KLK11: variants seen among roughly 807,000 people sequenced by gnomAD.
The protein encoded by KLK11 is kallikrein related peptidase 11.
Under a neutral mutation model 23.4 loss-of-function variants are expected in KLK11, and 10 were observed. The ratio of observed to expected loss-of-function variants is 0.43; its 90% CI spans 0.26 to 0.73. The LOEUF (loss-of-function observed/expected upper bound fraction) is 0.73. KLK11 is among the 30% of genes least tolerant of loss of function. The pLI is 0.22. For missense variants in KLK11, 285 were observed against 327.8 expected, an observed-to-expected ratio of 0.87 and a Z score of 1.01; for synonymous variants, 131 against 131.7, an observed-to-expected ratio of 0.99 and a Z score of 0.03.
upstream of KLK11, chr19:51,027,437 G>A (rs1474520): frequency 0.75 from 1,215,037 of 1,612,194 alleles, 460,169 homozygotes; most frequent in East Asian, 0.96. Flanking sequence ...CAGGCAGCCC[G>A]AGTCCAGCTG....
chr19:51,024,435 C>A lies in KLK11; in HGVS notation c.198-125G>T. The A allele has an allele frequency of 6.9e-7, 1 of 1,454,884 alleles. No homozygotes were observed. The highest frequency in any genetic ancestry group is 9.2e-7 in the Non-Finnish European group (1 of 1,085,998). 90.1% of individuals were successfully genotyped at this position (1,454,884 alleles called of 1,614,324 possible). A position where few individuals can be genotyped will look rare whatever the true frequency, so the allele number is the denominator to read the frequency against. On this transcript the variant is annotated intron_variant, in intron 3 of 5. Coordinates refer to ENST00000453757, the MANE Select transcript of KLK11 (RefSeq NM_001136032.3). The surrounding 1 kb of genome is among the most constrained non-coding windows in gnomAD (Gnocchi z 6.2). The stretch of plus-strand genomic sequence containing the variant: ...TTCCAACCTCTTCCACGTCTCCCAC[C>A]GAAGCCCCCTTCCCAGCCATAGCCC...
At position 51,022,274 on chromosome 19, in the gene KLK11, C is replaced by T. The variant is rs2091413060; in HGVS notation, c.*271G>A. 3 of 499,272 alleles carry T rather than the reference C, an allele frequency of 6.0e-6. No homozygotes were observed. In the South Asian group the frequency reaches 6.3e-5, roughly 11 times the overall value. The allele number at this position is 499,272 out of a possible 1,614,324, so 30.9% of individuals were successfully genotyped here. On this transcript the variant is annotated 3_prime_UTR_variant, in exon 6 of 6. Transcript: ENST00000453757. ...ATTTATTGAAACCTTGATATATGGC[C>T]AGGAGCTGTCTTTGGGGCTGGGGAT... is the stretch of plus-strand genomic sequence containing the variant.
intron 4 of KLK11, 69 bp from the exon 5 acceptor site, chr19:51,023,297 T>C: frequency 6.4e-7 from 1 of 1,556,834 alleles, no homozygotes; most frequent in Non-Finnish European, 8.7e-7. Flanking sequence ...GTGCTTGCTG[T>C]GATCCCGCCC....
At position 51,024,396 on chromosome 19, in the gene KLK11, A is replaced by C; in HGVS notation, c.198-86T>G. 6.4e-7 allele frequency: 1 copy of C among 1,559,042 alleles called. No individual in the cohort carries two copies. The highest frequency in any genetic ancestry group is 8.7e-7 in the Non-Finnish European group (1 of 1,152,524). On this transcript the variant is annotated intron_variant, in intron 3 of 5. Transcript: ENST00000453757. The surrounding 1 kb of genome is among the most constrained non-coding windows in gnomAD (Gnocchi z 6.2). ...GTGAGTGACACCTTTGAGGATGAAG[A>C]AACATCGCTCTGCTTCCAACCTCTT...
chr19:51,023,384 CTT>C (rs780238378), intron 4 of KLK11, 156 bp from the exon 5 acceptor site: 10,178 of 474,960 alleles, frequency 0.021, no homozygotes, highest in South Asian at 0.03. Context: ...TGCTATCCAG[CTT>C]TTTTTTTTTT....
rs2091446917 is a variant in KLK11 at position 51,024,339 on chromosome 19, AGGAAAGGTCGGG to A, written c.198-41_198-30del. 6.2e-7 allele frequency: 1 copy of A among 1,607,440 alleles called. No homozygotes were observed. Among genetic ancestry groups the A allele is most frequent in the African/African-American group, 1.3e-5 (1 of 74,828 alleles). On this transcript the variant is annotated intron_variant, in intron 3 of 5. Transcript: ENST00000453757. This position sits in a 1 kb window ranked among gnomAD's most constrained non-coding sequence, Gnocchi z 6.2. ...AGGTGGGAGAGACAGTAGTTGGAGG[AGGAAAGGTCGGG>A]GGAGACATGGGTGGGAGAGGTGAGT...
At chr19:51,023,719 A>C in intron 4 of KLK11, 1 of 271,802 alleles carries the variant, frequency 3.7e-6, no homozygotes, top group East Asian at 7.2e-5. Context: ...CAGTTGCTTG[A>C]TATACATTAT....
Position 51,025,306 on chromosome 19 carries a change from G to A in KLK11, c.40+286C>T, listed in dbSNP as rs2091464967. 6.6e-6 allele frequency among the ~76,000 whole-genome samples: 1 copy of A among 151,810 alleles called. No individual in the cohort carries two copies. Among genetic ancestry groups the A allele is most frequent in the African/African-American group, 2.4e-5 (1 of 41,338 alleles). On this transcript the variant is annotated intron_variant, in intron 2 of 5. Transcript: ENST00000453757. The surrounding 1 kb of genome is among the most constrained non-coding windows in gnomAD (Gnocchi z 6.2). ...AAAAGGAAATACTTCCATACTGGTTGGTCAGTAGCCCCTGTCCTGGGCGCT... is the reference window on the plus strand; with the variant it reads ...AAAAGGAAATACTTCCATACTGGTTAGTCAGTAGCCCCTGTCCTGGGCGCT...
rs113369548 is a variant in KLK11, at chr19:51,025,751, C to T, written c.-35-85G>A. ...CTGGCTCATGCCCTCTCCTCTCTCC[C>T]TCACCTGCTCCCGCTCCCCACTTGG... On this transcript the variant is annotated intron_variant, in intron 1 of 5. Transcript: ENST00000453757. This position sits in a 1 kb window ranked among gnomAD's most constrained non-coding sequence, Gnocchi z 6.2. The T allele has an allele frequency of 1.2e-5, 7 of 561,306 alleles. No homozygotes were observed. Among genetic ancestry groups the T allele is most frequent in the African/African-American group, 1.2e-4 (6 of 51,026 alleles). 34.8% of individuals were successfully genotyped at this position (561,306 alleles called of 1,614,324 possible).
upstream of KLK11, chr19:51,027,286 G>A (rs1037251425): frequency 4.5e-6 from 3 of 665,304 alleles, no homozygotes; most frequent in African/African-American, 5.4e-5. Context: ...GGCAGGACCG[G>A]AGGGTGGGGG....
chr19:51,026,675 G>A, upstream of KLK11: 2 of 876,494 alleles, frequency 2.3e-6, no homozygotes, highest in Non-Finnish European at 2.7e-6. Context: ...CCCTGGGCGG[G>A]CCCAGGATGA....
At chr19:51,027,043 A>G (rs2091496852), upstream of KLK11, 1 of 176,508 alleles carries the variant, frequency 5.7e-6, no homozygotes, top group Non-Finnish European at 1.2e-5. Flanking sequence ...AATTCCTTCT[A>G]TCTTTGTGTC....
At chr19:51,022,784 G>C in intron 5 of KLK11, 87 bp from the exon 6 acceptor site, 1 of 1,451,552 alleles carries the variant, frequency 6.9e-7, no homozygotes, top group Non-Finnish European at 9.6e-7. Context: ...GCTTAGGAGT[G>C]GGGCCGAGAC....
upstream of KLK11, chr19:51,027,153 T>C: frequency 2.8e-6 from 1 of 356,182 alleles, no homozygotes; most frequent in Non-Finnish European, 5.1e-6. Context: ...TCCCAGCCAC[T>C]CCCTCTCCAC....
Position 51,022,637 on chromosome 19 carries a change from G to A in KLK11, c.661C>T (p.Gln221Ter). 6.2e-7 allele frequency: 1 copy of A among 1,613,718 alleles called. No individual in the cohort carries two copies. Among genetic ancestry groups the A allele is most frequent in the Non-Finnish European group, 8.5e-7 (1 of 1,180,030 alleles). Residue 221 changes from glutamine (Q) to a stop codon, truncating the protein, a stop_gained, in exon 6 of 6, where the codon CAG (glutamine) becomes TAG (stop). Transcript: ENST00000453757. LOFTEE classifies it low-confidence loss of function (END_TRUNC). ...TTTCGGGTGATCGCACACGGATCCTGGCCCCAGGAGATAATGCCTTGAAGA... is the reference window on the plus strand; with the variant it reads ...TTTCGGGTGATCGCACACGGATCCTAGCCCCAGGAGATAATGCCTTGAAGA... ...QSLQGIISWG[Q>*]DPCAITRKPG...
In KLK11 at chr19:51,022,543, G is replaced by T; in HGVS notation, c.*2C>A. 6.2e-7 allele frequency: 1 copy of T among 1,614,098 alleles called. No homozygotes were observed. The highest frequency in any genetic ancestry group is 1.3e-5 in the African/African-American group (1 of 75,032). On this transcript the variant is annotated 3_prime_UTR_variant, in exon 6 of 6. Transcript: ENST00000453757. ...TGATGGGCTGTGGTGGGTGGGTCCA[G>T]TCTAATTGTTCTTCATCGTCTCCTG...
Position 51,025,873 on chromosome 19 carries a change from G to A in KLK11, c.-35-207C>T. ...GGTGTCTAGGGTGGCCTTGGAGAGG[G>A]CCTGGTCACAGCTAGAAGCTTCCGA... is the stretch of plus-strand genomic sequence containing the variant. On this transcript the variant is annotated intron_variant, in intron 1 of 5. Coordinates refer to ENST00000453757, the MANE Select transcript of KLK11 (RefSeq NM_001136032.3). This position sits in a 1 kb window ranked among gnomAD's most constrained non-coding sequence, Gnocchi z 6.2. 1 of 422,858 alleles carries A rather than the reference G, an allele frequency of 2.4e-6. No homozygotes were observed. Among genetic ancestry groups the A allele is most frequent in the Non-Finnish European group, 4.2e-6 (1 of 237,972 alleles). The allele number at this position is 422,858 out of a possible 1,614,324, so 26.2% of individuals were successfully genotyped here.
In KLK11 at chr19:51,022,552, T is replaced by C. The variant is rs2091416267; in HGVS notation, c.746A>G (p.Asn249Ser). The change falls in exon 6 of 6, where the codon AAC becomes AGC. Residue 249 changes from asparagine (N) to serine (S), a missense_variant. Physicochemically the swap from Asn to Ser is conservative, Grantham distance 46. Transcript: ENST00000453757. ...GTGGTGGGTGGGTCCAGTCTAATTG[T>C]TCTTCATCGTCTCCTGGATCCAGTC... ...YVDWIQETMKNN is the reference protein window; with the variant it reads ...YVDWIQETMKSN 1.2e-6 allele frequency: 2 copies of C among 1,614,124 alleles called. No homozygotes were observed. Among genetic ancestry groups the C allele is most frequent in the African/African-American group, 1.3e-5 (1 of 75,038 alleles).
Position 51,024,379 on chromosome 19 carries a change from C to T in KLK11, c.198-69G>A, listed in dbSNP as rs759071296. On this transcript the variant is annotated intron_variant, in intron 3 of 5. Transcript: ENST00000453757. This position sits in a 1 kb window ranked among gnomAD's most constrained non-coding sequence, Gnocchi z 6.2. Reference sequence around the variant, plus strand: ...AGACATGGGTGGGAGAGGTGAGTGACACCTTTGAGGATGAAGAAACATCGC... The same window carrying T: ...AGACATGGGTGGGAGAGGTGAGTGATACCTTTGAGGATGAAGAAACATCGC... The T allele has an allele frequency of 1.6e-5, 25 of 1,579,784 alleles. No homozygotes were observed. The highest frequency in any genetic ancestry group is 2.0e-5 in the Non-Finnish European group (23 of 1,164,422).
Sources: allele counts gnomAD v4.1 joint callset (sites outside exome capture counted in the v4.1 genomes callset), GRCh38; gene constraint gnomAD v4.1.1; non-coding constraint Gnocchi (gnomAD v3.1); transcripts MANE v1.5; gene names NCBI Gene and HGNC (gene_info 2026-07-23, HGNC 2026-07-21).